Variants in UQCRB observed in about 807,000 individuals in gnomAD.
UQCRB encodes the protein ubiquinol-cytochrome c reductase binding protein.
UQCRB carries 12 observed loss-of-function variants against 19.8 expected under a neutral mutation model. That is an observed-to-expected ratio of 0.61 (90% CI 0.39 to 0.98). The LOEUF is 0.98. Among genes scored for constraint, UQCRB ranks in the 50% least tolerant of loss-of-function variants. UQCRB has a pLI of 0.00. For synonymous variants in UQCRB, 39 were observed against 42.9 expected (o/e 0.91, Z 0.35); for missense variants, 142 against 131.8 (o/e 1.08, Z -0.38).
rs1368372379 is a variant in UQCRB at position 96,227,247 on chromosome 8, C to A, written c.*3808G>T. On this transcript the variant is annotated 3_prime_UTR_variant, in exon 4 of 4. Coordinates refer to ENST00000287022, the MANE Select transcript of UQCRB (RefSeq NM_006294.5). ...GCACAACATATATTAGATTTCATTA[C>A]ATCAGTATATAGCTTAGTAGTAAAT... The A allele has an allele frequency of 6.6e-6, 3 of 453,764 alleles. No homozygotes were observed. In the Admixed American group the frequency reaches 7.1e-5, roughly 11 times the overall value. The allele number at this position is 453,764 out of a possible 1,614,324, so 28.1% of individuals were successfully genotyped here.
At position 96,231,865 on chromosome 8, in the gene UQCRB, T is replaced by C; in HGVS notation, c.167A>G (p.Tyr56Cys). 6.2e-7 allele frequency: 1 copy of C among 1,614,138 alleles called. No homozygotes were observed. The highest frequency in any genetic ancestry group is 8.5e-7 in the Non-Finnish European group (1 of 1,180,028). The change falls in exon 3 of 4, where the codon TAT becomes TGT. Residue 56 changes from tyrosine (Y) to cysteine (C), a missense_variant. Tyr to Cys is a radical substitution (Grantham distance 194). Coordinates refer to ENST00000287022, the MANE Select transcript of UQCRB (RefSeq NM_006294.5). ...CTTAATGCGAAACATCCTGTCATTA[T>C]AAAGGTTCTCAGGAAGTCTTCTTAT... ...EAIRRLPENL[Y>C]NDRMFRIKRA...
chr8:96,233,265 T>G (rs752950799), intron 1 of UQCRB, 38 bp from the exon 2 acceptor site: 2 of 1,593,434 alleles, frequency 1.3e-6, no homozygotes, highest in African/African-American at 2.7e-5. Context: ...ACAATTTAAT[T>G]ATACTATATG....
At position 96,225,379 on chromosome 8, in the gene UQCRB, C is replaced by T. The variant is rs951844828; in HGVS notation, c.*5676G>A. ...TTAGATGAATATAAATTATTATAAA[C>T]TTTTGAAAAGCAAATTGGAAGTCCA... On this transcript the variant is annotated 3_prime_UTR_variant, in exon 4 of 4. Transcript: ENST00000287022. Among the ~76,000 whole-genome samples, 1 of 152,186 alleles carries T rather than the reference C, an allele frequency of 6.6e-6. No individual in the cohort carries two copies. Among genetic ancestry groups the T allele is most frequent in the Non-Finnish European group, 1.5e-5 (1 of 68,038 alleles).
intron 3 of UQCRB, 67 bp downstream of exon 3, chr8:96,231,707 T>TG (rs1255912296): frequency 1.3e-5 from 21 of 1,597,060 alleles, no homozygotes; most frequent in African/African-American, 2.7e-5. Context: ...CAAATGAACA[T>TG]GTTTCTCTTG....
chr8:96,235,462 TA>T, intron 1 of UQCRB, 49 bp downstream of exon 1: 1 of 1,613,920 alleles, frequency 6.2e-7, no homozygotes, highest in Non-Finnish European at 8.5e-7. Context: ...GCAGCAAAAA[TA>T]AACGGTGAAG....
In UQCRB at chr8:96,225,678, T is replaced by C. The variant is rs1042105239; in HGVS notation, c.*5377A>G. Among the ~76,000 whole-genome samples the C allele has an allele frequency of 3.3e-5, 5 of 151,934 alleles. No individual in the cohort carries two copies. The highest frequency in any genetic ancestry group is 1.2e-4 in the African/African-American group (5 of 41,356). Reference sequence around the variant, plus strand: ...CTTGGAAAGCCCTTCACCATCTTCTTGGCTTAGCTAACTTTGCTTACTGTT... The same window carrying C: ...CTTGGAAAGCCCTTCACCATCTTCTCGGCTTAGCTAACTTTGCTTACTGTT... On this transcript the variant is annotated 3_prime_UTR_variant, in exon 4 of 4. Transcript: ENST00000287022.
In UQCRB at chr8:96,224,502, G is replaced by C. The variant is rs1439758566; in HGVS notation, c.*6553C>G. On this transcript the variant is annotated 3_prime_UTR_variant, in exon 4 of 4. Coordinates refer to ENST00000287022, the MANE Select transcript of UQCRB (RefSeq NM_006294.5). The stretch of plus-strand genomic sequence containing the variant: ...GGGGTACAGAGCTGAATCCAGAAGG[G>C]ACAAGAGTAGATTTAGAATATGCAG... Among the ~76,000 whole-genome samples the C allele has an allele frequency of 6.6e-6, 1 of 152,140 alleles. No homozygotes were observed. Among genetic ancestry groups the C allele is most frequent in the Non-Finnish European group, 1.5e-5 (1 of 68,040 alleles).
At position 96,231,058 on chromosome 8, in the gene UQCRB, C is replaced by T. The variant is rs2129802614; in HGVS notation, c.333G>A (p.Lys111=). 2 of 1,613,166 alleles carry T rather than the reference C, an allele frequency of 1.2e-6. No individual in the cohort carries two copies. The highest frequency in any genetic ancestry group is 2.2e-5 in the South Asian group (2 of 91,052). The part of the protein sequence containing the change: ...ERKEREEWAK[K] ...TCCACAGACTTCAACTACATGATTA[C>T]TTCTTTGCCCATTCTTCTCTTTCTT... Residue 111 remains lysine, a synonymous_variant, in exon 4 of 4, where the codon AAG becomes AAA. Coordinates refer to ENST00000287022, the MANE Select transcript of UQCRB (RefSeq NM_006294.5).
Position 96,225,027 on chromosome 8 carries a change from G to C in UQCRB, c.*6028C>G, listed in dbSNP as rs1195653913. Among the ~76,000 whole-genome samples the C allele has an allele frequency of 6.6e-6, 1 of 152,050 alleles. No homozygotes were observed. Among genetic ancestry groups the C allele is most frequent in the Non-Finnish European group, 1.5e-5 (1 of 68,042 alleles). Reference sequence around the variant, plus strand: ...ATCATTTCAGCAAATGTAAGTAAAAGGGGTACTATCTAAACATATAAAGGT... The same window carrying C: ...ATCATTTCAGCAAATGTAAGTAAAACGGGTACTATCTAAACATATAAAGGT... On this transcript the variant is annotated 3_prime_UTR_variant, in exon 4 of 4. Coordinates refer to ENST00000287022, the MANE Select transcript of UQCRB (RefSeq NM_006294.5).
rs1276979528 is a variant in UQCRB at position 96,226,999 on chromosome 8, T to A, written c.*4056A>T. 1 of 453,898 alleles carries A rather than the reference T, an allele frequency of 2.2e-6. No homozygotes were observed. The highest frequency in any genetic ancestry group is 4.4e-6 in the Non-Finnish European group (1 of 226,760). The allele number at this position is 453,898 out of a possible 1,614,324, so 28.1% of individuals were successfully genotyped here. A position where few individuals can be genotyped will look rare whatever the true frequency, so the allele number is the denominator to read the frequency against. On this transcript the variant is annotated 3_prime_UTR_variant, in exon 4 of 4. Coordinates refer to ENST00000287022, the MANE Select transcript of UQCRB (RefSeq NM_006294.5). ...CGACCTGAGATCTCAGATTCTAACA[T>A]GTTATGGCTTTTAATATGAACGCCA... is the stretch of plus-strand genomic sequence containing the variant.
At chr8:96,233,386 A>G (rs1809722291) in intron 1 of UQCRB, 159 bp from the exon 2 acceptor site, 1 of 623,408 alleles carries the variant, frequency 1.6e-6, no homozygotes, top group Admixed American at 3.1e-5. Flanking sequence ...AATTTAATCA[A>G]AAGAATTAGA....
chr8:96,230,354 G>T lies in UQCRB; in HGVS notation c.*701C>A, dbSNP rs1472154238. The T allele has an allele frequency of 1.4e-5, 6 of 431,918 alleles. No homozygotes were observed. In the East Asian group the frequency reaches 3.5e-4, roughly 25 times the overall value. 26.8% of individuals were successfully genotyped at this position (431,918 alleles called of 1,614,324 possible). A position where few individuals can be genotyped will look rare whatever the true frequency, so the allele number is the denominator to read the frequency against. On this transcript the variant is annotated 3_prime_UTR_variant, in exon 4 of 4. Transcript: ENST00000287022. ...GGCCTCCCAAAGTGCTGGGATTACA[G>T]GCATGAGCCACCATGCCTTGCCAAT...
rs1336073392 is a variant in UQCRB at position 96,225,218 on chromosome 8, A to G, written c.*5837T>C. Among the ~76,000 whole-genome samples, 1 of 152,226 alleles carries G rather than the reference A, an allele frequency of 6.6e-6. No homozygotes were observed. The highest frequency in any genetic ancestry group is 1.5e-5 in the Non-Finnish European group (1 of 68,040). ...AGAAATAACAACTTGATAATAGCAT[A>G]TGGAAAAACGTCTAGCTACTCAATC... On this transcript the variant is annotated 3_prime_UTR_variant, in exon 4 of 4. Coordinates refer to ENST00000287022, the MANE Select transcript of UQCRB (RefSeq NM_006294.5).
intron 1 of UQCRB, 194 bp downstream of exon 1, chr8:96,235,318 C>T (rs1290114336): frequency 6.2e-6 from 5 of 800,132 alleles, no homozygotes; most frequent in Non-Finnish European, 1.0e-5. Flanking sequence ...ACATCCCAAC[C>T]CTATACAGGC....
At chr8:96,232,055 C>A in intron 2 of UQCRB, 115 bp from the exon 3 acceptor site, 1 of 967,120 alleles carries the variant, frequency 1.0e-6, no homozygotes. Flanking sequence ...CTATCGAATT[C>A]AAATCACTAG....
rs1436424594 is a variant in UQCRB at position 96,230,207 on chromosome 8, C to A, written c.*848G>T. 2.2e-6 allele frequency: 1 copy of A among 449,722 alleles called. No homozygotes were observed. Among genetic ancestry groups the A allele is most frequent in the African/African-American group, 2.0e-5 (1 of 49,858 alleles). The allele number at this position is 449,722 out of a possible 1,614,324, so 27.9% of individuals were successfully genotyped here. A position where few individuals can be genotyped will look rare whatever the true frequency, so the allele number is the denominator to read the frequency against. On this transcript the variant is annotated 3_prime_UTR_variant, in exon 4 of 4. Coordinates refer to ENST00000287022, the MANE Select transcript of UQCRB (RefSeq NM_006294.5). ...TCTCCTCCCTCAGCCTCCCGAGTAG[C>A]TGGGATTACAGGTGCCTACCATCAC...
chr8:96,231,153 T>G, intron 3 of UQCRB, 21 bp from the exon 4 acceptor site: 1 of 1,614,122 alleles, frequency 6.2e-7, no homozygotes. Flanking sequence ...AATGAAATAT[T>G]ATATGTTACC....
At chr8:96,232,220 C>T in intron 2 of UQCRB, 1 of 359,618 alleles carries the variant, frequency 2.8e-6, no homozygotes, top group East Asian at 5.5e-5. Flanking sequence ...AAATCCAATG[C>T]CACAAAATTC....
chr8:96,235,335 G>A, intron 1 of UQCRB, 177 bp downstream of exon 1: 2 of 952,128 alleles, frequency 2.1e-6, no homozygotes, highest in Non-Finnish European at 3.3e-6. Flanking sequence ...AGGCAAGCCC[G>A]CCCTGGGGAC....
Sources: allele counts gnomAD v4.1 joint callset (sites outside exome capture counted in the v4.1 genomes callset), GRCh38; gene constraint gnomAD v4.1.1; transcripts MANE v1.5; gene names NCBI Gene and HGNC (gene_info 2026-07-23, HGNC 2026-07-21).